Variants in NFASC observed in about 807,000 individuals in gnomAD.
The protein encoded by NFASC is neurofascin homolog.
In NFASC, 43 loss-of-function variants were observed where a neutral mutation model predicts 147.5. The ratio of observed to expected loss-of-function variants is 0.29; its 90% CI spans 0.23 to 0.38. The LOEUF is 0.38. Ranked by LOEUF, NFASC falls within the 10% of genes least tolerant of loss-of-function variation. The pLI is 1.00. For synonymous variants in NFASC, 622 were observed against 665.5 expected, an observed-to-expected ratio of 0.93 and a Z score of 1.01; for missense variants, 1,320 against 1,689.0, an observed-to-expected ratio of 0.78 and a Z score of 3.83.
intron 11 of NFASC, 122 bp downstream of exon 11, chr1:204,970,869 G>A: frequency 7.9e-7 from 1 of 1,262,104 alleles, no homozygotes; most frequent in Non-Finnish European, 1.1e-6. Flanking sequence ...GCCCACTGGT[G>A]GCTGTTTCTC....
At chr1:204,849,935 A>G (rs1107714) in intron 1 of NFASC, among the ~76,000 whole-genome samples, 31,446 of 152,112 alleles carry the variant, frequency 0.21, 4,839 homozygotes, top group East Asian at 0.53. Context: ...TGTGGGAAAA[A>G]AGCTGTGTCT....
At chr1:204,967,951 C>CCGAA in intron 8 of NFASC, 1 of 312,080 alleles carries the variant, frequency 3.2e-6, no homozygotes. Context: ...TCTCGCACTG[C>CCGAA]TCAGACAGCC....
intron 1 of NFASC, among the ~76,000 whole-genome samples, chr1:204,835,448 T>C (rs1369296201): frequency 1.3e-5 from 2 of 151,958 alleles, no homozygotes; most frequent in East Asian, 3.9e-4. Context: ...AGGCTGGTCT[T>C]GAACTCCTGA....
intron 27 of NFASC, among the ~76,000 whole-genome samples, chr1:205,006,924 A>T (rs116760698): frequency 0.016 from 2,444 of 151,632 alleles, 56 homozygotes; most frequent in African/African-American, 0.055. Context: ...GATGATGGGG[A>T]TGAATAAAGG....
Position 205,002,705 on chromosome 1 carries a change from C to T in NFASC, c.3246C>T (p.Asn1082=). 3.8e-6 allele frequency: 6 copies of T among 1,575,492 alleles called. No homozygotes were observed. The highest frequency in any genetic ancestry group is 2.3e-5 in the East Asian group (1 of 43,980). The part of the protein sequence containing the change: ...TYTLRVYSRD[N]EGISSTVITF... The stretch of plus-strand genomic sequence containing the variant: ...CGTTGCGGGTTTATTCCCGGGACAA[C>T]GAGGGCATCAGCAGTACCGTCATCA... The change falls in exon 27 of 30, where the codon AAC becomes AAT. Residue 1082 remains asparagine, a synonymous_variant. Transcript: ENST00000339876.
chr1:204,883,560 A>G (rs1452510039), intron 1 of NFASC, among the ~76,000 whole-genome samples: 2 of 151,964 alleles, frequency 1.3e-5, no homozygotes, highest in African/African-American at 4.9e-5. Flanking sequence ...GATGGTCCCC[A>G]GCTCACCAGC....
rs571651395 is a variant in NFASC, at chr1:204,952,246, A to G, written c.215+130A>G. The G allele has an allele frequency of 1.7e-4, 116 of 685,852 alleles. No individual in the cohort carries two copies. In the African/African-American group the frequency reaches 2.0e-3, roughly 12 times the overall value. The allele number at this position is 685,852 out of a possible 1,614,324, so 42.5% of individuals were successfully genotyped here. ...AAAAAATTTCCATTAGGCACCTACTAGGTGGAAGGCATAATTGAGGTACCA... is the reference window on the plus strand; with the variant it reads ...AAAAAATTTCCATTAGGCACCTACTGGGTGGAAGGCATAATTGAGGTACCA... On this transcript the variant is annotated intron_variant, in intron 5 of 29. Transcript: ENST00000339876.
intron 24 of NFASC, among the ~76,000 whole-genome samples, chr1:204,991,918 T>C (rs1229148325): frequency 6.6e-6 from 1 of 152,188 alleles, no homozygotes; most frequent in Non-Finnish European, 1.5e-5. Flanking sequence ...GGGCTGATTA[T>C]CTCCTCACCC....
At chr1:204,903,035 C>G (rs1245262491) in intron 1 of NFASC, among the ~76,000 whole-genome samples, 1 of 152,142 alleles carries the variant, frequency 6.6e-6, no homozygotes, top group Admixed American at 6.5e-5. Flanking sequence ...TACCATTCTC[C>G]CATCATATTG....
At chr1:204,999,406 A>G (rs1190131087) in intron 25 of NFASC, 1 of 151,942 alleles carries the variant, frequency 6.6e-6, no homozygotes. Context: ...AGTCAATTTC[A>G]TATTGGTGGC....
At position 205,001,293 on chromosome 1, in the gene NFASC, A is replaced by G; in HGVS notation, c.3136+7A>G. On this transcript the variant is annotated splice_region_variant and intron_variant, in intron 26 of 29. Coordinates refer to ENST00000339876, the MANE Select transcript of NFASC (RefSeq NM_001005388.3). ...GTGGTTGAGTACATCGACAGTAAGC[A>G]TTGCTGTGCGGGGTGGTGGTGGCGG... is the stretch of plus-strand genomic sequence containing the variant. 1.9e-6 allele frequency: 3 copies of G among 1,575,398 alleles called. No individual in the cohort carries two copies. The highest frequency in any genetic ancestry group is 2.6e-6 in the Non-Finnish European group (3 of 1,147,636).
intron 1 of NFASC, among the ~76,000 whole-genome samples, chr1:204,829,756 C>G (rs189270385): frequency 1.6e-4 from 24 of 152,300 alleles, no homozygotes; most frequent in Middle Eastern, 3.4e-3. Context: ...GGGGCTTGGC[C>G]TGAGCCCTGA....
chr1:204,921,471 AC>A (rs2090469509), intron 2 of NFASC, among the ~76,000 whole-genome samples: 2 of 151,982 alleles, frequency 1.3e-5, no homozygotes, highest in Non-Finnish European at 2.9e-5. Flanking sequence ...GGGCATCTCT[AC>A]CTCATCGAAG....
At chr1:204,875,587 TC>T (rs2078617115) in intron 1 of NFASC, among the ~76,000 whole-genome samples, 2 of 152,290 alleles carry the variant, frequency 1.3e-5, no homozygotes, top group South Asian at 4.2e-4. Context: ...TCGGGAGGCC[TC>T]GAGGGCTGGA....
chr1:204,848,474 C>T (rs2075370753), intron 1 of NFASC, among the ~76,000 whole-genome samples: 1 of 152,176 alleles, frequency 6.6e-6, no homozygotes, highest in African/African-American at 2.4e-5. Context: ...GAACCTCCTG[C>T]CTTGGCTTCC....
At chr1:204,856,418 T>TGTGTGTGTGTGTGTGTGTGA (rs1320968276) in intron 1 of NFASC, among the ~76,000 whole-genome samples, 1 of 151,064 alleles carries the variant, frequency 6.6e-6, no homozygotes, top group African/African-American at 2.4e-5. Context: ...TGTGTGTGTG[T>TGTGTGTGTGTGTGTGTGTGA]GATTGTGTGA....
In NFASC at chr1:204,973,285, C is replaced by G. The variant is rs1200973383; in HGVS notation, c.1145C>G (p.Pro382Arg). ...VNGEPLQSAP[P>R]NPNREVAGDT... is the part of the protein sequence containing the mutation. ...TCTTTCTTGTCTGTAGCGGCACCAC[C>G]TAACCCAAACCGTGAGGTGGCCGGA... Residue 382 changes from proline (P) to arginine (R), a missense_variant, in exon 12 of 30, where the codon CCT becomes CGT. By Grantham distance (103) the Pro-to-Arg change is moderately radical (BLOSUM62 -2). This residue lies in a region of NFASC where 981 missense variants were observed against 1,289.5 expected (regional missense o/e 0.76). Transcript: ENST00000339876. 1.2e-6 allele frequency: 2 copies of G among 1,614,080 alleles called. No individual in the cohort carries two copies. Among genetic ancestry groups the G allele is most frequent in the African/African-American group, 1.3e-5 (1 of 74,952 alleles).
At chr1:204,853,214 A>G (rs1306391920) in intron 1 of NFASC, among the ~76,000 whole-genome samples, 1 of 152,166 alleles carries the variant, frequency 6.6e-6, no homozygotes, top group African/African-American at 2.4e-5. Flanking sequence ...AAATGTTTTA[A>G]TATACTTGGA....
chr1:204,902,505 G>A (rs1024959859), intron 1 of NFASC, among the ~76,000 whole-genome samples: 1 of 152,138 alleles, frequency 6.6e-6, no homozygotes, highest in Non-Finnish European at 1.5e-5. Flanking sequence ...ATGTTATCAA[G>A]GTTACATTTT....
Sources: gnomAD v4.1 joint callset for allele counts (sites outside exome capture counted in the v4.1 genomes callset) on GRCh38, gnomAD v4.1.1 for gene constraint, gnomAD v4.1.1 regional missense constraint, MANE v1.5 for transcripts, NCBI Gene and HGNC (gene_info 2026-07-23, HGNC 2026-07-21) for gene names.